Variants in COL27A1 observed in about 807,000 individuals in gnomAD.
The protein encoded by COL27A1 is collagen type XXVII alpha 1 chain.
In COL27A1, 106 loss-of-function variants were observed where a neutral mutation model predicts 251.3. That is an observed-to-expected ratio of 0.42 (90% confidence interval 0.36 to 0.50). COL27A1 has a LOEUF of 0.50. Ranked by LOEUF, COL27A1 falls within the 20% of genes least tolerant of loss-of-function variation. The pLI is 0.00. For missense variants in COL27A1, 2,325 were observed against 2,522.8 expected, an observed-to-expected ratio of 0.92 and a Z score of 1.68; for synonymous variants, 1,000 against 986.3, an observed-to-expected ratio of 1.01 and a Z score of -0.26.
chr9:114,199,531 T>C (rs1829428030), intron 7 of COL27A1, among the ~76,000 whole-genome samples: 1 of 152,176 alleles, frequency 6.6e-6, no homozygotes, highest in South Asian at 2.1e-4. Context: ...GCTTCTGCTG[T>C]GCCCTCCCCA....
At chr9:114,243,419 A>G (rs1832898646) in intron 22 of COL27A1, 88 bp from the exon 23 acceptor site, 1 of 1,064,738 alleles carries the variant, frequency 9.4e-7, no homozygotes, top group African/African-American at 1.6e-5. Flanking sequence ...ACAGCTGTGG[A>G]TACCCTGTGC....
chr9:114,252,881 T>C lies in COL27A1; in HGVS notation c.3090T>C (p.Gly1030=), dbSNP rs1351264483. 1.9e-6 allele frequency: 3 copies of C among 1,613,766 alleles called. No individual in the cohort carries two copies. In the African/African-American group the frequency reaches 4.0e-5, roughly 22 times the overall value. Residue 1030 remains glycine, a splice_region_variant and synonymous_variant, in exon 27 of 61, where the codon GGT becomes GGC. Coordinates refer to ENST00000356083, the MANE Select transcript of COL27A1 (RefSeq NM_032888.4). ...PGVPGPKGSM[G]HPGMPGGMGT... ...CTTTGTCTTCTCTGTCTTGGCAGGG[T>C]CATCCTGGAATGCCAGGTGGTATGG...
At chr9:114,304,359 T>TG (rs1430255682) in intron 56 of COL27A1, among the ~76,000 whole-genome samples, 2 of 152,232 alleles carry the variant, frequency 1.3e-5, no homozygotes, top group Admixed American at 6.5e-5. Flanking sequence ...GTGTTCAAAC[T>TG]GGGTCTTATA....
At position 114,183,061 on chromosome 9, in the gene COL27A1, C is replaced by T. The variant is rs987305955; in HGVS notation, c.2002C>T (p.Pro668Ser). The T allele has an allele frequency of 1.2e-5, 19 of 1,613,204 alleles. No individual in the cohort carries two copies. Among genetic ancestry groups the T allele is most frequent in the Non-Finnish European group, 1.5e-5 (18 of 1,179,910 alleles). ...TTATGGAAATCCAGGTCTCCCCGGC[C>T]CTCCTGGAGCCAAAGTGAGTATTTG... The part of the protein sequence containing the change: ...GPYGNPGLPG[P>S]PGAKGQKGDP... The change falls in exon 5 of 61, where the codon CCT becomes TCT. Residue 668 changes from proline (P) to serine (S), a missense_variant. By Grantham distance (74) the Pro-to-Ser change is moderately conservative. This residue lies in a region of COL27A1 where 1,183 missense variants were observed against 1,144.1 expected (regional missense o/e 1.03). Transcript: ENST00000356083.
chr9:114,280,466 G>C (rs1222832509), intron 37 of COL27A1, among the ~76,000 whole-genome samples: 1 of 152,182 alleles, frequency 6.6e-6, no homozygotes, highest in Non-Finnish European at 1.5e-5. Flanking sequence ...GCCTCCCAAA[G>C]TGCTGGGATT....
rs113259779 is a variant in COL27A1, at chr9:114,182,849, T to G, written c.1963-173T>G. Among the ~76,000 whole-genome samples the G allele has an allele frequency of 7.9e-5, 12 of 152,288 alleles. No individual in the cohort carries two copies. In the East Asian group the frequency reaches 2.3e-3, roughly 29 times the overall value. On this transcript the variant is annotated intron_variant, in intron 4 of 60. Transcript: ENST00000356083. ...GATGTGCTTCCCACTGGGCCAGGCA[T>G]GGAGGGTGTACTCCCAAAAGTAGGC...
chr9:114,311,282 C>T lies in COL27A1; in HGVS notation c.*587C>T, dbSNP rs1230030393. The T allele has an allele frequency of 1.3e-5, 2 of 151,512 alleles. No homozygotes were observed. Among genetic ancestry groups the T allele is most frequent in the Non-Finnish European group, 2.9e-5 (2 of 67,980 alleles). The allele number at this position is 151,512 out of a possible 1,614,324, so 9.4% of individuals were successfully genotyped here. ...GGCTGGGGGTGCCCACGTTTGCTACCTCCCACTGTGAAATCGCTGGTGCTC... is the reference window on the plus strand; with the variant it reads ...GGCTGGGGGTGCCCACGTTTGCTACTTCCCACTGTGAAATCGCTGGTGCTC... On this transcript the variant is annotated 3_prime_UTR_variant, in exon 61 of 61. Coordinates refer to ENST00000356083, the MANE Select transcript of COL27A1 (RefSeq NM_032888.4).
intron 49 of COL27A1, among the ~76,000 whole-genome samples, chr9:114,298,827 T>C (rs1051480138): frequency 2.6e-5 from 4 of 152,088 alleles, no homozygotes; most frequent in Admixed American, 2.6e-4. Flanking sequence ...AAAGGCACCA[T>C]CAAGAAAGTG....
rs1176269679 is a variant in COL27A1 at position 114,167,750 on chromosome 9, G to T, written c.195G>T (p.Pro65=). Residue 65 remains proline (P), a synonymous_variant, in exon 3 of 61, where the codon CCG becomes CCT. Coordinates refer to ENST00000356083, the MANE Select transcript of COL27A1 (RefSeq NM_032888.4). The part of the protein sequence containing the change: ...SWTKAGSPAP[P]GVIPFQSGFI... ...CGAAGGCCGGGAGCCCTGCACCCCC[G>T]GGAGTCATTCCTTTCCAGTCGGGCT... 6.2e-7 allele frequency: 1 copy of T among 1,613,822 alleles called. No homozygotes were observed. The highest frequency in any genetic ancestry group is 1.7e-5 in the Admixed American group (1 of 60,020).
rs147387453 is a variant in COL27A1 at position 114,309,335 on chromosome 9, A to C, written c.5293A>C (p.Ile1765Leu). ...LSSEVTQHIT[I>L]HCLNMTVWQE... Reference sequence around the variant, plus strand: ...CTCCGAGGTGACCCAGCACATCACCATCCACTGCCTTAACATGACCGTGTG... The same window carrying C: ...CTCCGAGGTGACCCAGCACATCACCCTCCACTGCCTTAACATGACCGTGTG... Residue 1765 changes from isoleucine (I) to leucine (L), a missense_variant, in exon 60 of 61, where the codon ATC (isoleucine) becomes CTC (leucine). Coordinates refer to ENST00000356083, the MANE Select transcript of COL27A1 (RefSeq NM_032888.4). The C allele has an allele frequency of 4.3e-5, 69 of 1,614,126 alleles. No individual in the cohort carries two copies. In the African/African-American group the frequency reaches 8.0e-4, roughly 19 times the overall value.
At chr9:114,287,002 C>G (rs1207503003) in intron 41 of COL27A1, among the ~76,000 whole-genome samples, 1 of 152,228 alleles carries the variant, frequency 6.6e-6, no homozygotes, top group Non-Finnish European at 1.5e-5. Flanking sequence ...TTCCCCAAAG[C>G]CGTCAAGTCC....
At position 114,169,048 on chromosome 9, in the gene COL27A1, C is replaced by T; in HGVS notation, c.1493C>T (p.Thr498Ile). 5 of 1,614,064 alleles carry T rather than the reference C, an allele frequency of 3.1e-6. No individual in the cohort carries two copies. Among genetic ancestry groups the T allele is most frequent in the Non-Finnish European group, 4.2e-6 (5 of 1,179,956 alleles). ...TCTCCTGCCCCTACTCCTGGTTCTA[C>T]CAGGAGTACTCGGCCACCAGCCACG... ...SSSPAPTPGS[T>I]RSTRPPATMV... The change falls in exon 3 of 61, where the codon ACC becomes ATC. Residue 498 changes from threonine to isoleucine, a missense_variant. Physicochemically the swap from Thr to Ile is moderately conservative, Grantham distance 89. Coordinates refer to ENST00000356083, the MANE Select transcript of COL27A1 (RefSeq NM_032888.4).
At chr9:114,241,104 C>T (rs1238855510) in intron 21 of COL27A1, among the ~76,000 whole-genome samples, 3 of 152,224 alleles carry the variant, frequency 2.0e-5, no homozygotes, top group Non-Finnish European at 4.4e-5. Context: ...TATTTATGTG[C>T]GCTGGATGAA....
At chr9:114,194,320 G>T (rs1224810363) in intron 5 of COL27A1, 84 bp from the exon 6 acceptor site, 4 of 1,320,810 alleles carry the variant, frequency 3.0e-6, no homozygotes, top group Non-Finnish European at 4.4e-6. Flanking sequence ...AAGCAAGGGA[G>T]CAGGGCTTTG....
intron 28 of COL27A1, among the ~76,000 whole-genome samples, chr9:114,262,594 C>T (rs76608179): frequency 0.013 from 1,916 of 152,322 alleles, 35 homozygotes; most frequent in African/African-American, 0.043. Flanking sequence ...CTGTGGGCAT[C>T]GCCTCCTGTC....
At chr9:114,156,227 C>T (rs926354003) in intron 1 of COL27A1, among the ~76,000 whole-genome samples, 6 of 139,224 alleles carry the variant, frequency 4.3e-5, no homozygotes, top group African/African-American at 1.4e-4. Flanking sequence ...GCGCCTGGCC[C>T]GGCTGCCCGA....
chr9:114,306,815 T>C (rs955893259), intron 58 of COL27A1, 127 bp downstream of exon 58: 10 of 992,460 alleles, frequency 1.0e-5, no homozygotes, highest in Non-Finnish European at 1.3e-5. Flanking sequence ...CTGGCAGTCA[T>C]TTATTCACTC....
intron 49 of COL27A1, among the ~76,000 whole-genome samples, chr9:114,294,576 C>T (rs1338930033): frequency 6.6e-6 from 1 of 152,134 alleles, no homozygotes; most frequent in Non-Finnish European, 1.5e-5. Context: ...TATTAACAGA[C>T]TCAAAAAAGA....
intron 16 of COL27A1, 63 bp downstream of exon 16, chr9:114,231,929 G>T: frequency 6.5e-7 from 1 of 1,538,642 alleles, no homozygotes; most frequent in South Asian, 1.1e-5. Context: ...TCTCCGCCCG[G>T]AGGCTGCTGC....
Sources: gnomAD v4.1 joint callset for allele counts (sites outside exome capture counted in the v4.1 genomes callset) on GRCh38, gnomAD v4.1.1 for gene constraint, gnomAD v4.1.1 regional missense constraint, MANE v1.5 for transcripts, NCBI Gene and HGNC (gene_info 2026-07-23, HGNC 2026-07-21) for gene names.